Variants in PTPRD observed in about 807,000 individuals in gnomAD.
PTPRD encodes receptor-type tyrosine-protein phosphatase delta.
In PTPRD, 34 loss-of-function variants were observed where a neutral mutation model predicts 214.5. The observed-to-expected ratio is 0.16, with a 90% CI of 0.12 to 0.21. The LOEUF is 0.21. Ranked by LOEUF, PTPRD falls within the 10% of genes least tolerant of loss-of-function variation. PTPRD has a pLI of 1.00. For missense variants in PTPRD, 2,545 were observed against 2,398.7 expected, an observed-to-expected ratio of 1.06 and a Z score of -1.27; for synonymous variants, 1,128 against 845.7, an observed-to-expected ratio of 1.33 and a Z score of -5.79.
At chr9:8,940,202 G>A (rs7027494) in intron 11 of PTPRD, among the ~76,000 whole-genome samples, 2 of 149,946 alleles carry the variant, frequency 1.3e-5, no homozygotes, top group African/African-American at 2.5e-5. Context: ...CCCTGATACC[G>A]TGTTTGCACC....
chr9:10,230,436 G>GTATCTATCTATCTATC (rs59835845), intron 3 of PTPRD, among the ~76,000 whole-genome samples: 303 of 140,734 alleles, frequency 2.2e-3, no homozygotes, highest in East Asian at 4.7e-3. Context: ...ATGTATCTAT[G>GTATCTATCTATCTATC]TATCTATCTA....
chr9:9,301,278 A>C (rs928828397), intron 9 of PTPRD, among the ~76,000 whole-genome samples: 1 of 151,902 alleles, frequency 6.6e-6, no homozygotes, highest in Non-Finnish European at 1.5e-5. Flanking sequence ...CTGTCAAAAC[A>C]GATTTCATGC....
chr9:9,733,676 C>G (rs973540216), intron 7 of PTPRD, among the ~76,000 whole-genome samples: 8 of 152,126 alleles, frequency 5.3e-5, no homozygotes, highest in Non-Finnish European at 1.0e-4. Context: ...TGCAGTCCAT[C>G]AAGTTAGAAT....
chr9:8,743,785 A>G (rs1598502740), intron 11 of PTPRD, among the ~76,000 whole-genome samples: 1 of 128,740 alleles, frequency 7.8e-6, no homozygotes, highest in Non-Finnish European at 1.6e-5. Flanking sequence ...GCTTCTGCAC[A>G]GCAAAAAATA....
intron 4 of PTPRD, among the ~76,000 whole-genome samples, chr9:9,976,789 C>T (rs983747227): frequency 6.0e-5 from 9 of 149,270 alleles, no homozygotes; most frequent in Non-Finnish European, 8.9e-5. Context: ...TATTCTCTAG[C>T]TAGCTATCTG....
At chr9:10,548,429 G>A (rs1249079216) in intron 2 of PTPRD, among the ~76,000 whole-genome samples, 1 of 151,920 alleles carries the variant, frequency 6.6e-6, no homozygotes, top group Non-Finnish European at 1.5e-5. Context: ...TTCATCTATG[G>A]CATCAATCAC....
intron 10 of PTPRD, among the ~76,000 whole-genome samples, chr9:9,022,498 C>T (rs1589963472): frequency 6.6e-6 from 1 of 152,128 alleles, no homozygotes; most frequent in African/African-American, 2.4e-5. Context: ...GTATTCAGCA[C>T]AGTAACATTC....
chr9:9,198,405 T>C (rs551658590), intron 9 of PTPRD, among the ~76,000 whole-genome samples: 9 of 152,220 alleles, frequency 5.9e-5, no homozygotes, highest in Admixed American at 4.6e-4. Context: ...CTCTGTCAAA[T>C]AGGTTTTTTT....
At chr9:9,400,231 A>T (rs922980992) in intron 8 of PTPRD, among the ~76,000 whole-genome samples, 1 of 151,920 alleles carries the variant, frequency 6.6e-6, no homozygotes, top group Non-Finnish European at 1.5e-5. Context: ...GGTAAGGAAC[A>T]GCAGAGATCT....
At chr9:9,798,410 A>T (rs10116692) in intron 5 of PTPRD, among the ~76,000 whole-genome samples, 52,559 of 151,948 alleles carry the variant, frequency 0.35, 9,871 homozygotes, top group East Asian at 0.7. Flanking sequence ...AAAAAGGATA[A>T]GATCTAATGG....
At chr9:9,819,883 T>A (rs539277491) in intron 5 of PTPRD, among the ~76,000 whole-genome samples, 1 of 152,208 alleles carries the variant, frequency 6.6e-6, no homozygotes, top group Admixed American at 6.5e-5. Context: ...ATTTTCTTTG[T>A]TCAGTCCATT....
At chr9:9,473,950 G>T (rs369088359) in intron 8 of PTPRD, among the ~76,000 whole-genome samples, 1 of 151,168 alleles carries the variant, frequency 6.6e-6, no homozygotes, top group Non-Finnish European at 1.5e-5. Flanking sequence ...TTTGCTTTAC[G>T]GAAGCTTTTT....
rs1238363584 is a variant in PTPRD at position 9,839,063 on chromosome 9, G to C, written c.-367-72212C>G. On this transcript the variant is annotated intron_variant, in intron 5 of 45. Transcript: ENST00000381196. ...GCTTGTTTTTGTCAGGTTTGTCAAA[G>C]ATCAGATAGTTGTAGATATGCGGCG... Among the ~76,000 whole-genome samples, 5 of 152,270 alleles carry C rather than the reference G, an allele frequency of 3.3e-5. No individual in the cohort carries two copies. In the South Asian group the frequency reaches 1.0e-3, roughly 32 times the overall value.
chr9:9,210,055 C>A (rs1158855752), intron 9 of PTPRD, among the ~76,000 whole-genome samples: 3 of 152,040 alleles, frequency 2.0e-5, no homozygotes, highest in Admixed American at 6.6e-5. Flanking sequence ...CCTTTCCAAC[C>A]TTTGCCCCAG....
At chr9:10,511,709 T>A (rs772324257) in intron 2 of PTPRD, among the ~76,000 whole-genome samples, 10 of 151,090 alleles carry the variant, frequency 6.6e-5, no homozygotes, top group Middle Eastern at 6.3e-3. Context: ...CCACCACACC[T>A]GGCTACCATT....
intron 2 of PTPRD, among the ~76,000 whole-genome samples, chr9:10,523,917 A>G (rs955116367): frequency 2.0e-5 from 3 of 151,962 alleles, no homozygotes; most frequent in African/African-American, 7.2e-5. Context: ...TGCCATAAAA[A>G]AAGGTCACAG....
At chr9:9,318,616 T>C (rs1239031695) in intron 9 of PTPRD, among the ~76,000 whole-genome samples, 2 of 152,198 alleles carry the variant, frequency 1.3e-5, no homozygotes, top group African/African-American at 4.8e-5. Context: ...ATTTAAAGTA[T>C]AATCACTTTT....
At chr9:9,330,350 T>C (rs2041851824) in intron 9 of PTPRD, among the ~76,000 whole-genome samples, 1 of 152,148 alleles carries the variant, frequency 6.6e-6, no homozygotes, top group Non-Finnish European at 1.5e-5. Context: ...AAGAAATACA[T>C]ATACATATTC....
At chr9:9,840,047 T>C (rs2058219293) in intron 5 of PTPRD, among the ~76,000 whole-genome samples, 1 of 152,064 alleles carries the variant, frequency 6.6e-6, no homozygotes, top group Non-Finnish European at 1.5e-5. Flanking sequence ...TATTATTTAT[T>C]ATTTTTCTGA....
Sources: allele counts gnomAD v4.1 joint callset (sites outside exome capture counted in the v4.1 genomes callset), GRCh38; gene constraint gnomAD v4.1.1; transcripts MANE v1.5; gene names NCBI Gene and HGNC (gene_info 2026-07-23, HGNC 2026-07-21).